PTPRN2: variants seen among roughly 807,000 people sequenced by gnomAD.
The protein encoded by PTPRN2 is receptor-type tyrosine-protein phosphatase N2.
In PTPRN2, 74 loss-of-function variants were observed where a neutral mutation model predicts 118.8. The ratio of observed to expected loss-of-function variants is 0.62; its 90% confidence interval spans 0.52 to 0.76. The LOEUF is 0.76. PTPRN2 is among the 30% of genes least tolerant of loss of function. The pLI is 0.00. For synonymous variants in PTPRN2, 641 were observed against 608.0 expected (o/e 1.05, Z -0.80); for missense variants, 1,481 against 1,394.4 (o/e 1.06, Z -0.99).
At position 157,784,229 on chromosome 7, in the gene PTPRN2, C is replaced by G. The variant is rs142555659; in HGVS notation, c.1789-101292G>C. On this transcript the variant is annotated intron_variant, in intron 12 of 22. Transcript: ENST00000389418. The surrounding 1 kb of genome is among the most constrained non-coding windows in gnomAD (Gnocchi z 4.6). ...TGGCCCAGAGCAGCTCGTGAGTCAG[C>G]CTGGCCTAGTTGGAAAGGCACCAAC... 3.0e-3 allele frequency among the ~76,000 whole-genome samples: 455 copies of G among 152,224 alleles called. 3 individuals carry two copies. The highest frequency in any genetic ancestry group is 9.8e-3 in the African/African-American group (409 of 41,542).
Position 157,974,836 on chromosome 7 carries a change from C to T in PTPRN2, c.1724-76099G>A, listed in dbSNP as rs1472385690. On this transcript the variant is annotated intron_variant, in intron 11 of 22. Transcript: ENST00000389418. This position sits in a 1 kb window ranked among gnomAD's most constrained non-coding sequence, Gnocchi z 4.0. Reference sequence around the variant, plus strand: ...GGGCGCAGTGTCTGTGGGTGAAGAGCTGTGCGGGCGGGCACTGAGAAGAGG... The same window carrying T: ...GGGCGCAGTGTCTGTGGGTGAAGAGTTGTGCGGGCGGGCACTGAGAAGAGG... Among the ~76,000 whole-genome samples the T allele has an allele frequency of 1.3e-5, 2 of 151,984 alleles. No homozygotes were observed. Among genetic ancestry groups the T allele is most frequent in the Non-Finnish European group, 1.5e-5 (1 of 67,986 alleles).
chr7:157,995,700 G>A (rs555260291), intron 11 of PTPRN2, among the ~76,000 whole-genome samples: 53 of 152,358 alleles, frequency 3.5e-4, no homozygotes, highest in African/African-American at 1.2e-3. Flanking sequence ...GCGTCCACAT[G>A]AGCAGGCGGC....
chr7:157,776,914 C>A (rs1803358446), intron 12 of PTPRN2, among the ~76,000 whole-genome samples: 1 of 124,634 alleles, frequency 8.0e-6, no homozygotes, highest in African/African-American at 3.0e-5. Flanking sequence ...TCCCCCTCCT[C>A]CTCGCTCTTC....
rs538561358 is a variant in PTPRN2, at chr7:157,934,920, T to G, written c.1724-36183A>C. ...CCCTTATGCTGAAACATGTTTTTGC[T>G]GGAGATAGAACTCTGGGCTTTTGTT... On this transcript the variant is annotated intron_variant, in intron 11 of 22. Transcript: ENST00000389418. 2.0e-5 allele frequency among the ~76,000 whole-genome samples: 3 copies of G among 152,366 alleles called. No individual in the cohort carries two copies. The East Asian group carries it at 5.8e-4, about 29-fold the overall frequency.
chr7:158,484,281 C>A (rs1217042617), intron 2 of PTPRN2, among the ~76,000 whole-genome samples: 1 of 152,214 alleles, frequency 6.6e-6, no homozygotes, highest in Non-Finnish European at 1.5e-5. Context: ...ATGCCCCCAA[C>A]ACTTTCCCCA....
chr7:158,435,460 G>A (rs1816510398), intron 2 of PTPRN2, among the ~76,000 whole-genome samples: 1 of 152,074 alleles, frequency 6.6e-6, no homozygotes, highest in Admixed American at 6.5e-5. Flanking sequence ...GAGTATTGGT[G>A]AAGACTGTAT....
intron 2 of PTPRN2, among the ~76,000 whole-genome samples, chr7:158,353,506 T>G (rs1338266067): frequency 6.6e-6 from 1 of 152,128 alleles, no homozygotes. Flanking sequence ...AAACAGCAAT[T>G]GAAATGGGGT....
At chr7:158,364,339 C>T (rs1809262474) in intron 2 of PTPRN2, among the ~76,000 whole-genome samples, 1 of 149,948 alleles carries the variant, frequency 6.7e-6, no homozygotes, top group African/African-American at 2.5e-5. Context: ...ACTTCACCTG[C>T]CTCTCGCCAT....
rs184014857 is a variant in PTPRN2 at position 158,258,144 on chromosome 7, C to T, written c.278-52871G>A. 5.1e-3 allele frequency among the ~76,000 whole-genome samples: 778 copies of T among 152,350 alleles called. 1 individual carries two copies. Among genetic ancestry groups the T allele is most frequent in the Non-Finnish European group, 8.2e-3 (556 of 68,036 alleles). ...GCGGGCACGTAAGAACAGCTCACAG[C>T]ATGGCTGCCCCGGCTCCTTCTCACC... On this transcript the variant is annotated intron_variant, in intron 3 of 22. Coordinates refer to ENST00000389418, the MANE Select transcript of PTPRN2 (RefSeq NM_002847.5).
intron 21 of PTPRN2, among the ~76,000 whole-genome samples, chr7:157,564,594 A>G (rs1799389684): frequency 6.6e-6 from 1 of 152,262 alleles, no homozygotes. Context: ...AACAAAAAAT[A>G]CAAACAGCCC....
chr7:157,776,780 T>C (rs796327844), intron 12 of PTPRN2, among the ~76,000 whole-genome samples: 12 of 97,360 alleles, frequency 1.2e-4, no homozygotes, highest in Non-Finnish European at 1.2e-4. Flanking sequence ...CCTCCTCCTC[T>C]TCCTCCCTCT....
intron 12 of PTPRN2, among the ~76,000 whole-genome samples, chr7:157,842,634 C>A (rs944247099): frequency 6.6e-6 from 1 of 151,970 alleles, no homozygotes; most frequent in South Asian, 2.1e-4. Flanking sequence ...AGGCTGGTTT[C>A]GAACTCCAGA....
intron 1 of PTPRN2, among the ~76,000 whole-genome samples, chr7:158,533,130 C>A (rs556416101): frequency 6.6e-6 from 1 of 152,188 alleles, no homozygotes; most frequent in African/African-American, 2.4e-5. Flanking sequence ...AGCTTGAAAA[C>A]CACTTCCTTC....
chr7:158,021,087 C>A (rs976119181), intron 11 of PTPRN2, among the ~76,000 whole-genome samples: 2 of 152,222 alleles, frequency 1.3e-5, no homozygotes, highest in African/African-American at 4.8e-5. Context: ...TGCTGCTTTA[C>A]CAAGACAAAC....
chr7:157,814,035 C>T (rs1186093507), intron 12 of PTPRN2, among the ~76,000 whole-genome samples: 4 of 152,364 alleles, frequency 2.6e-5, no homozygotes, highest in Middle Eastern at 6.8e-3. Flanking sequence ...AGCTGCGAGA[C>T]TGTGCCCACG....
intron 11 of PTPRN2, among the ~76,000 whole-genome samples, chr7:157,918,010 A>G (rs1798505673): frequency 6.6e-6 from 1 of 152,010 alleles, no homozygotes; most frequent in Admixed American, 6.6e-5. Context: ...CCATCTACAC[A>G]TTTTCTGAGA....
chr7:157,579,841 A>G (rs548587771), intron 17 of PTPRN2, among the ~76,000 whole-genome samples: 1 of 152,382 alleles, frequency 6.6e-6, no homozygotes, highest in East Asian at 1.9e-4. Flanking sequence ...AGGCAGCCCA[A>G]TTGGGTACCA....
intron 2 of PTPRN2, among the ~76,000 whole-genome samples, chr7:158,437,078 C>T (rs1816621596): frequency 6.6e-6 from 1 of 152,110 alleles, no homozygotes; most frequent in South Asian, 2.1e-4. Flanking sequence ...TCTGGGACTC[C>T]ACCTACACAT....
chr7:158,332,375 G>C (rs200814918), intron 2 of PTPRN2, among the ~76,000 whole-genome samples: 608 of 56,388 alleles, frequency 0.011, no homozygotes, highest in Middle Eastern at 0.044. Flanking sequence ...ACCATAAGAG[G>C]TGACACCTGC....
Sources: allele counts gnomAD v4.1 joint callset (sites outside exome capture counted in the v4.1 genomes callset), GRCh38; gene constraint gnomAD v4.1.1; non-coding constraint Gnocchi (gnomAD v3.1); transcripts MANE v1.5; gene names NCBI Gene and HGNC (gene_info 2026-07-23, HGNC 2026-07-21).